Variants in SLC12A6 observed in about 807,000 individuals in gnomAD.
The protein encoded by SLC12A6 is K-Cl cotransporter 3.
SLC12A6 carries 66 observed loss-of-function variants against 135.3 expected under a neutral mutation model. The observed-to-expected ratio is 0.49, with a 90% CI of 0.40 to 0.60. The LOEUF is 0.60. SLC12A6 is among the 20% of genes least tolerant of loss of function. SLC12A6 has a pLI of 0.00. For synonymous variants in SLC12A6, 513 were observed against 508.8 expected, an observed-to-expected ratio of 1.01 and a Z score of -0.11; for missense variants, 1,058 against 1,452.3, an observed-to-expected ratio of 0.73 and a Z score of 4.41.
chr15:34,308,630 C>CAAAAAA (rs536506096), intron 2 of SLC12A6, among the ~76,000 whole-genome samples: 127 of 63,160 alleles, frequency 2.0e-3, no homozygotes, highest in African/African-American at 4.3e-3. Context: ...GTCCACCTGA[C>CAAAAAA]AAAAAAAAAA....
chr15:34,235,168 T>C lies in SLC12A6; in HGVS notation c.3361+13A>G. 1 of 1,613,218 alleles carries C rather than the reference T, an allele frequency of 6.2e-7. No homozygotes were observed. Among genetic ancestry groups the C allele is most frequent in the African/African-American group, 1.3e-5 (1 of 75,018 alleles). On this transcript the variant is annotated intron_variant, in intron 25 of 25. Transcript: ENST00000354181. Reference sequence around the variant, plus strand: ...ATTTTCCCTACTGGAAGCCCCACTCTTGGAAAGGATACAGTTTTCATCACC... The same window carrying C: ...ATTTTCCCTACTGGAAGCCCCACTCCTGGAAAGGATACAGTTTTCATCACC...
chr15:34,330,411 G>A lies in SLC12A6; in HGVS notation c.271+5999C>T, dbSNP rs535888763. 5.3e-5 allele frequency among the ~76,000 whole-genome samples: 8 copies of A among 152,286 alleles called. No homozygotes were observed. In the East Asian group the frequency reaches 1.3e-3, roughly 26 times the overall value. ...TAACCAGCTGGGCGCGGTGGCTCAC[G>A]CCTGTAATCCTAGCACTTTGGGAGG... On this transcript the variant is annotated intron_variant, in intron 2 of 25. Coordinates refer to ENST00000354181, the MANE Select transcript of SLC12A6 (RefSeq NM_001365088.1).
intron 3 of SLC12A6, among the ~76,000 whole-genome samples, chr15:34,265,574 A>G (rs1893455619): frequency 6.6e-6 from 1 of 152,186 alleles, no homozygotes; most frequent in Non-Finnish European, 1.5e-5. Context: ...AACAGCCTCT[A>G]AAGAATTAAA....
At chr15:34,293,108 G>A in intron 2 of SLC12A6, among the ~76,000 whole-genome samples, 1 of 152,168 alleles carries the variant, frequency 6.6e-6, no homozygotes, top group East Asian at 1.9e-4. Context: ...ATCTTGCTGG[G>A]AGCTGTAGAC....
chr15:34,314,071 G>A (rs555784426), intron 2 of SLC12A6, among the ~76,000 whole-genome samples: 12 of 139,374 alleles, frequency 8.6e-5, no homozygotes, highest in Non-Finnish European at 9.1e-5. Flanking sequence ...TTTTTGAGAC[G>A]TAGTCTTGCT....
intron 23 of SLC12A6, 76 bp from the exon 24 acceptor site, chr15:34,236,275 T>A: frequency 9.8e-7 from 1 of 1,022,628 alleles, no homozygotes; most frequent in Non-Finnish European, 1.5e-6. Context: ...TTTGAAGCAG[T>A]AATGGGTTAT....
At chr15:34,312,496 A>C (rs751309791) in intron 2 of SLC12A6, among the ~76,000 whole-genome samples, 1 of 152,230 alleles carries the variant, frequency 6.6e-6, no homozygotes, top group Non-Finnish European at 1.5e-5. Context: ...TCAAGTAAAC[A>C]GATTATTATA....
chr15:34,256,247 T>C lies in SLC12A6; in HGVS notation c.727A>G (p.Thr243Ala). 1 of 1,606,092 alleles carries C rather than the reference T, an allele frequency of 6.2e-7. No homozygotes were observed. Among genetic ancestry groups the C allele is most frequent in the South Asian group, 1.1e-5 (1 of 90,950 alleles). The change falls in exon 7 of 26, where the codon ACT becomes GCT. Residue 243 changes from threonine (T) to alanine (A), a missense_variant. Coordinates refer to ENST00000354181, the MANE Select transcript of SLC12A6 (RefSeq NM_001365088.1). ...LTAISMSAIA[T>A]NGVVPAGGSY... ...TACTAACCTGGCACCACTCCATTAG[T>C]GGCAATGGCACTCATGGAGATAGCA...
intron 2 of SLC12A6, chr15:34,314,624 T>C (rs1888502961): frequency 6.6e-6 from 1 of 152,428 alleles, no homozygotes; most frequent in South Asian, 2.1e-4. Flanking sequence ...TAGATAGTGA[T>C]TCCTCTGATG....
Position 34,252,296 on chromosome 15 carries a change from A to T in SLC12A6, c.1207T>A (p.Ser403Thr). The T allele has an allele frequency of 6.2e-7, 1 of 1,610,068 alleles. No homozygotes were observed. Among genetic ancestry groups the T allele is most frequent in the Non-Finnish European group, 8.5e-7 (1 of 1,176,342 alleles). Residue 403 changes from serine (S) to threonine (T), a missense_variant, in exon 10 of 26, where the codon TCA becomes ACA. Coordinates refer to ENST00000354181, the MANE Select transcript of SLC12A6 (RefSeq NM_001365088.1). ...TTACAGAAGAATCCCCATAACTTTGATGGGACTGTCATGTTGTTAATTTCC... is the reference window on the plus strand; with the variant it reads ...TTACAGAAGAATCCCCATAACTTTGTTGGGACTGTCATGTTGTTAATTTCC... ...TKEINNMTVP[S>T]KLWGFFCNSS...
intron 2 of SLC12A6, among the ~76,000 whole-genome samples, chr15:34,290,191 C>T (rs383029): frequency 0.43 from 65,955 of 151,792 alleles, 16,995 homozygotes; most frequent in African/African-American, 0.74. Flanking sequence ...TTGTTCTCAT[C>T]GGTTTCAAAG....
intron 3 of SLC12A6, among the ~76,000 whole-genome samples, chr15:34,269,998 G>C (rs1237505052): frequency 6.7e-6 from 1 of 148,894 alleles, no homozygotes; most frequent in African/African-American, 2.6e-5. Flanking sequence ...TCTATAAAAA[G>C]AGACATTTCC....
chr15:34,263,004 A>C (rs1190242208), intron 3 of SLC12A6, among the ~76,000 whole-genome samples: 1 of 152,126 alleles, frequency 6.6e-6, no homozygotes, highest in Non-Finnish European at 1.5e-5. Context: ...GGCCAAGAAA[A>C]ATCCTGTGTC....
intron 2 of SLC12A6, among the ~76,000 whole-genome samples, chr15:34,292,221 G>C (rs958726165): frequency 4.6e-5 from 7 of 152,164 alleles, no homozygotes. Flanking sequence ...CTGTTTGCTA[G>C]TTTTCCTTCT....
intron 21 of SLC12A6, among the ~76,000 whole-genome samples, chr15:34,237,751 C>T (rs1253300051): frequency 6.6e-6 from 1 of 152,062 alleles, no homozygotes; most frequent in African/African-American, 2.4e-5. Context: ...TTTAAGGAGT[C>T]CTTAATTTCA....
In SLC12A6 at chr15:34,245,315, G is replaced by A. The variant is rs948539488; in HGVS notation, c.1913C>T (p.Ser638Phe). The A allele has an allele frequency of 1.2e-6, 2 of 1,605,908 alleles. No homozygotes were observed. Among genetic ancestry groups the A allele is most frequent in the Non-Finnish European group, 1.7e-6 (2 of 1,172,458 alleles). Residue 638 changes from serine (S) to phenylalanine (F), a missense_variant, in exon 15 of 26, where the codon TCC (serine) becomes TTC (phenylalanine). Coordinates refer to ENST00000354181, the MANE Select transcript of SLC12A6 (RefSeq NM_001365088.1). ...AIAELGILIA[S>F]LDLVAPILSM... is the part of the protein sequence containing the mutation. Reference sequence around the variant, plus strand: ...AAGAATTGGGGCCACAAGATCCAGGGAGGCAATGAGTATTCCAAGCTCTGC... The same window carrying A: ...AAGAATTGGGGCCACAAGATCCAGGAAGGCAATGAGTATTCCAAGCTCTGC...
intron 2 of SLC12A6, among the ~76,000 whole-genome samples, chr15:34,308,650 AAAC>A (rs1177262492): frequency 0.077 from 10,704 of 139,530 alleles, 334 homozygotes; most frequent in East Asian, 0.21. Flanking sequence ...AAAAAAAAAA[AAAC>A]AAACCAGATT....
chr15:34,257,979 T>C (rs1892866851), intron 5 of SLC12A6, 191 bp from the exon 6 acceptor site: 1 of 578,996 alleles, frequency 1.7e-6, no homozygotes, highest in Non-Finnish European at 3.0e-6. Flanking sequence ...CTTTTATTAT[T>C]CCTAAAGCTA....
At chr15:34,238,105 A>G (rs561602352) in intron 21 of SLC12A6, 127 bp downstream of exon 21, 1 of 741,034 alleles carries the variant, frequency 1.3e-6, no homozygotes, top group African/African-American at 1.7e-5. Flanking sequence ...GGGAAAGCCT[A>G]GAATAACTTC....
Sources: gnomAD v4.1 joint callset for allele counts (sites outside exome capture counted in the v4.1 genomes callset) on GRCh38, gnomAD v4.1.1 for gene constraint, MANE v1.5 for transcripts, NCBI Gene and HGNC (gene_info 2026-07-23, HGNC 2026-07-21) for gene names.